The following ZBTB45 variants were observed in gnomAD, a reference collection of about 807,000 sequenced individuals.
The protein encoded by ZBTB45 is zinc finger and BTB domain containing 45.
Under a neutral mutation model 28.4 loss-of-function variants are expected in ZBTB45, and 22 were observed. The observed-to-expected ratio is 0.77, with a 90% confidence interval of 0.55 to 1.10. The LOEUF (loss-of-function observed/expected upper bound fraction) is 1.10, where lower values mean the gene tolerates loss of function less well. Among genes scored for constraint, ZBTB45 ranks in the 50% least tolerant of loss-of-function variants. The probability of loss-of-function intolerance (pLI) is 0.00; values close to 1 mark genes in which losing one functional copy is unlikely to be tolerated. For missense variants in ZBTB45, 656 were observed against 750.2 expected (o/e 0.87, Z 1.47); for synonymous variants, 361 against 332.3 (o/e 1.09, Z -0.94).
chr19:58,521,373 AAAAAAAAAAAAG>A (rs1289771631), upstream of ZBTB45, among the ~76,000 whole-genome samples: 3 of 143,276 alleles, frequency 2.1e-5, no homozygotes, highest in African/African-American at 7.6e-5. Flanking sequence ...TCTCAAAAAA[AAAAAAAAAAAAG>A]AAAGAAAGAA....
At chr19:58,532,773 C>A (rs917177437) in intron 1 of ZBTB45, among the ~76,000 whole-genome samples, 2 of 152,076 alleles carry the variant, frequency 1.3e-5, no homozygotes, top group African/African-American at 4.8e-5. Flanking sequence ...GTCTCAGACT[C>A]CTGACTCAGG....
chr19:58,521,899 G>A (rs2053580853), upstream of ZBTB45, among the ~76,000 whole-genome samples: 1 of 152,126 alleles, frequency 6.6e-6, no homozygotes. Flanking sequence ...CTAGAACAAA[G>A]CCTCCAGAAG....
At chr19:58,535,617 C>T (rs996853969) in intron 1 of ZBTB45, among the ~76,000 whole-genome samples, 1 of 152,176 alleles carries the variant, frequency 6.6e-6, no homozygotes, top group African/African-American at 2.4e-5. Flanking sequence ...ATCCTCCTGC[C>T]TTGGCCTCTC....
upstream of ZBTB45, among the ~76,000 whole-genome samples, chr19:58,524,382 T>A (rs28550871): frequency 2.1e-5 from 3 of 145,974 alleles, no homozygotes; most frequent in Non-Finnish European, 4.5e-5. Context: ...ATAATAATAA[T>A]AATAAAAAGA....
At chr19:58,518,872 G>C in intron 1 of ZBTB45, 1 of 152,178 alleles carries the variant, frequency 6.6e-6, no homozygotes, top group East Asian at 1.9e-4. Context: ...GGCTCGGCTT[G>C]ATGCTGCCCC....
rs1471981600 is a variant in ZBTB45, at chr19:58,515,453, G to A, written c.1279+942C>T. ...ACTTCACACAGCCAGCACTACCCTG[G>A]GGCCTCTGGCAGTTCCCTGGAGACT... On this transcript the variant is annotated intron_variant, in intron 2 of 2. Coordinates refer to ENST00000594051, the MANE Select transcript of ZBTB45 (RefSeq NM_001316979.2). The surrounding 1 kb of genome is among the most constrained non-coding windows in gnomAD (Gnocchi z 4.7). 6.6e-6 allele frequency among the ~76,000 whole-genome samples: 1 copy of A among 152,026 alleles called. No individual in the cohort carries two copies. Among genetic ancestry groups the A allele is most frequent in the African/African-American group, 2.4e-5 (1 of 41,390 alleles).
chr19:58,521,550 A>G (rs1357250449), upstream of ZBTB45, among the ~76,000 whole-genome samples: 2 of 152,018 alleles, frequency 1.3e-5, no homozygotes, highest in African/African-American at 2.4e-5. Flanking sequence ...CAGAAGACCT[A>G]CTTGGGCTTC....
chr19:58,533,268 T>C lies in ZBTB45; in HGVS notation c.-1+5433A>G, dbSNP rs775045714. 7.4e-4 allele frequency among the ~76,000 whole-genome samples: 112 copies of C among 152,220 alleles called. 1 individual carries two copies. Among genetic ancestry groups the C allele is most frequent in the Admixed American group, 7.3e-3 (111 of 15,272 alleles). On this transcript the variant is annotated intron_variant, in intron 1 of 1. Transcript: ENST00000600130. ...TTCTTATGGGGCATTAGTCCCATTATGGGGCCCCACTATCAGGACATCATC... is the reference window on the plus strand; with the variant it reads ...TTCTTATGGGGCATTAGTCCCATTACGGGGCCCCACTATCAGGACATCATC...
chr19:58,517,273 G>A lies in ZBTB45; in HGVS notation c.401C>T (p.Thr134Met), dbSNP rs757646878. 74 of 1,588,864 alleles carry A rather than the reference G, an allele frequency of 4.7e-5. 1 individual carries two copies. The South Asian group carries it at 4.9e-4, about 11-fold the overall frequency. ...RARAPGTSAP[T>M]PLPTPVPPPL... is the part of the protein sequence containing the mutation. ...CGGGGGCACAGGGGTGGGCAGGGGC[G>A]TGGGCGCAGAGGTGCCCGGGGCTCG... is the stretch of plus-strand genomic sequence containing the variant. Residue 134 changes from threonine (T) to methionine (M), a missense_variant, in exon 2 of 3, where the codon ACG (threonine) becomes ATG (methionine). Around this residue, in one of 3 missense-constraint regions of ZBTB45, gnomAD observed 448 missense variants for 444.3 expected, o/e 1.01. Transcript: ENST00000594051.
rs2053461450 is a variant in ZBTB45, at chr19:58,514,376, C to T, written c.1280-66G>A. 9.8e-6 allele frequency: 13 copies of T among 1,323,732 alleles called. No homozygotes were observed. In the Admixed American group the frequency reaches 3.1e-4, roughly 32 times the overall value. The allele number at this position is 1,323,732 out of a possible 1,614,324, so 82.0% of individuals were successfully genotyped here. On this transcript the variant is annotated intron_variant, in intron 2 of 2. Coordinates refer to ENST00000594051, the MANE Select transcript of ZBTB45 (RefSeq NM_001316979.2). ...TACAGCTCCCCGCCCCCACCCCACC[C>T]CACCCCCACCTGGGCTCCTGGACCT... is the stretch of plus-strand genomic sequence containing the variant.
intron 1 of ZBTB45, among the ~76,000 whole-genome samples, chr19:58,537,236 G>T (rs1738007015): frequency 6.6e-6 from 1 of 152,146 alleles, no homozygotes; most frequent in African/African-American, 2.4e-5. Flanking sequence ...TCTCCATGTG[G>T]ACAATGGGGC....
At chr19:58,523,337 G>A (rs2122580932), upstream of ZBTB45, among the ~76,000 whole-genome samples, 1 of 152,168 alleles carries the variant, frequency 6.6e-6, no homozygotes, top group East Asian at 1.9e-4. Context: ...CCTGAGGTCA[G>A]GAGTTCGAGA....
At chr19:58,529,522 T>C (rs1334329534) in intron 1 of ZBTB45, among the ~76,000 whole-genome samples, 2 of 152,210 alleles carry the variant, frequency 1.3e-5, no homozygotes, top group Non-Finnish European at 2.9e-5. Context: ...AACAATTTCC[T>C]CACTACAAAA....
chr19:58,526,600 C>G (rs1428435201), intron 1 of ZBTB45, among the ~76,000 whole-genome samples: 1 of 138,264 alleles, frequency 7.2e-6, no homozygotes, highest in African/African-American at 2.7e-5. Context: ...GGCGGGATCT[C>G]GGCTCACTGC....
chr19:58,516,312 G>T lies in ZBTB45; in HGVS notation c.1279+83C>A. 1 of 1,533,162 alleles carries T rather than the reference G, an allele frequency of 6.5e-7. No homozygotes were observed. The allele number at this position is 1,533,162 out of a possible 1,614,324, so 95.0% of individuals were successfully genotyped here. On this transcript the variant is annotated intron_variant, in intron 2 of 2. Transcript: ENST00000594051. This position sits in a 1 kb window ranked among gnomAD's most constrained non-coding sequence, Gnocchi z 6.2. ...CCAAAAGTAACAGAACAGTGCCAGT[G>T]CCCTGTAACTAGTGCTCAATTCCCC...
Position 58,514,168 on chromosome 19 carries a change from G to C in ZBTB45, c.1422C>G (p.Leu474=). The C allele has an allele frequency of 6.2e-7, 1 of 1,611,772 alleles. No individual in the cohort carries two copies. Residue 474 remains leucine (L), a synonymous_variant, in exon 3 of 3, where the codon CTC becomes CTG. Coordinates refer to ENST00000594051, the MANE Select transcript of ZBTB45 (RefSeq NM_001316979.2). ...GCCGGTGAGTGCGCATGTGCACGTTGAGCGAGCTCTTCTGCGTGAAGCGCT... is the reference window on the plus strand; with the variant it reads ...GCCGGTGAGTGCGCATGTGCACGTTCAGCGAGCTCTTCTGCGTGAAGCGCT... ...CAKRFTQKSS[L]NVHMRTHRPE... is the part of the protein sequence containing the mutation.
rs1000091034 is a variant in ZBTB45, at chr19:58,513,695, C to G, written c.*359G>C. The G allele has an allele frequency of 3.0e-5, 7 of 233,958 alleles. No individual in the cohort carries two copies. Among genetic ancestry groups the G allele is most frequent in the Admixed American group, 2.9e-4 (5 of 17,398 alleles). 14.5% of individuals were successfully genotyped at this position (233,958 alleles called of 1,614,324 possible). A position where few individuals can be genotyped will look rare whatever the true frequency, so the allele number is the denominator to read the frequency against. Reference sequence around the variant, plus strand: ...TTGCCCAGCCTGACCCTGGGGCAGGCAAGCGGCCCCCCAGCCCCCACCACC... The same window carrying G: ...TTGCCCAGCCTGACCCTGGGGCAGGGAAGCGGCCCCCCAGCCCCCACCACC... On this transcript the variant is annotated 3_prime_UTR_variant, in exon 3 of 3. Coordinates refer to ENST00000594051, the MANE Select transcript of ZBTB45 (RefSeq NM_001316979.2).
intron 1 of ZBTB45, among the ~76,000 whole-genome samples, chr19:58,535,836 T>C (rs1415614037): frequency 6.6e-6 from 1 of 152,180 alleles, no homozygotes; most frequent in African/African-American, 2.4e-5. Context: ...AAGTGGGCTC[T>C]GGGCTAAGCA....
intron 1 of ZBTB45, among the ~76,000 whole-genome samples, chr19:58,531,512 T>C (rs1044298290): frequency 2.6e-5 from 4 of 152,182 alleles, no homozygotes; most frequent in African/African-American, 9.6e-5. Flanking sequence ...GATTTCATTA[T>C]GGGTTGGCAA....
Sources: gnomAD v4.1 joint callset for allele counts (sites outside exome capture counted in the v4.1 genomes callset) on GRCh38, gnomAD v4.1.1 for gene constraint, gnomAD v4.1.1 regional missense constraint, Gnocchi (gnomAD v3.1) non-coding constraint, MANE v1.5 for transcripts, NCBI Gene and HGNC (gene_info 2026-07-23, HGNC 2026-07-21) for gene names.